The following LGALS8 variants were observed in gnomAD, a reference collection of about 807,000 sequenced individuals.
LGALS8 encodes galectin-8.
A neutral mutation model predicts 35.9 loss-of-function variants in LGALS8; 30 were observed. That is an observed-to-expected ratio of 0.83 (90% CI 0.62 to 1.13). The LOEUF (loss-of-function observed/expected upper bound fraction) is 1.13. LGALS8 is among the 50% of genes most tolerant of loss of function. The probability of loss-of-function intolerance (pLI) is 0.00; values close to 1 mark genes in which losing one functional copy is unlikely to be tolerated. For synonymous variants in LGALS8, 138 were observed against 136.1 expected (o/e 1.01, Z -0.10); for missense variants, 366 against 388.7 (o/e 0.94, Z 0.49).
intron 1 of LGALS8, chr1:236,524,724 C>T (rs1354481875): frequency 3.3e-6 from 1 of 307,066 alleles, no homozygotes; most frequent in Non-Finnish European, 6.5e-6. Context: ...GGGTCACTGG[C>T]TTGTTATTAT....
chr1:236,542,123 C>CACAG (rs947047095), intron 6 of LGALS8, among the ~76,000 whole-genome samples: 1 of 152,288 alleles, frequency 6.6e-6, no homozygotes, highest in African/African-American at 2.4e-5. Context: ...GTTCACACCT[C>CACAG]ACAGACAGAA....
Position 236,552,196 on chromosome 1 carries a change from CT to C in LGALS8, c.*4040del. 1.2e-6 allele frequency: 1 copy of C among 813,538 alleles called. No homozygotes were observed. Among genetic ancestry groups the C allele is most frequent in the Non-Finnish European group, 2.0e-6 (1 of 497,622 alleles). The allele number at this position is 813,538 out of a possible 1,614,324, so 50.4% of individuals were successfully genotyped here. A position where few individuals can be genotyped will look rare whatever the true frequency, so the allele number is the denominator to read the frequency against. On this transcript the variant is annotated 3_prime_UTR_variant, in exon 10 of 10. Coordinates refer to ENST00000366584, the MANE Select transcript of LGALS8 (RefSeq NM_201544.4). Reference sequence around the variant, plus strand: ...TGTACTGACTTGAGACAAGCTCTAACTTTTTAAACATTAGTTCACATGCGTT... The same window carrying C: ...TGTACTGACTTGAGACAAGCTCTAACTTTTAAACATTAGTTCACATGCGTT...
chr1:236,539,102 G>C lies in LGALS8; in HGVS notation c.345+13G>C. 1 of 1,608,972 alleles carries C rather than the reference G, an allele frequency of 6.2e-7. No homozygotes were observed. Among genetic ancestry groups the C allele is most frequent in the East Asian group, 2.2e-5 (1 of 44,876 alleles). ...GGACAAATTCCAGGTAGGTTTTGGA[G>C]AGGGACAGGTTGAGTCCTCATTAGT... On this transcript the variant is annotated intron_variant, in intron 4 of 9. Transcript: ENST00000366584.
At chr1:236,539,732 G>A (rs2103094393) in intron 4 of LGALS8, among the ~76,000 whole-genome samples, 1 of 152,320 alleles carries the variant, frequency 6.6e-6, no homozygotes, top group African/African-American at 2.4e-5. Flanking sequence ...TGATCTTCGG[G>A]ATACTGCTCC....
intron 2 of LGALS8, among the ~76,000 whole-genome samples, chr1:236,534,451 G>A (rs1661344334): frequency 6.6e-6 from 1 of 152,148 alleles, no homozygotes; most frequent in Non-Finnish European, 1.5e-5. Flanking sequence ...GATCAGATCT[G>A]TATTTTAATT....
intron 2 of LGALS8, among the ~76,000 whole-genome samples, chr1:236,529,949 G>T (rs527939774): frequency 6.5e-4 from 99 of 152,130 alleles, no homozygotes; most frequent in Non-Finnish European, 1.2e-3. Context: ...CACCGTGGCT[G>T]GCCACTTACT....
In LGALS8 at chr1:236,550,020, A is replaced by C. The variant is rs971959380; in HGVS notation, c.*1859A>C. 6.6e-6 allele frequency: 1 copy of C among 152,188 alleles called. No homozygotes were observed. The highest frequency in any genetic ancestry group is 1.5e-5 in the Non-Finnish European group (1 of 68,044). The allele number at this position is 152,188 out of a possible 1,614,324, so 9.4% of individuals were successfully genotyped here. A position where few individuals can be genotyped will look rare whatever the true frequency, so the allele number is the denominator to read the frequency against. ...CGAACATTCTACGGGATGTTCTTAG[A>C]TGCCTTTAAAAAGGGGGCAGATCTA... On this transcript the variant is annotated 3_prime_UTR_variant, in exon 10 of 10. Transcript: ENST00000366584.
intron 3 of LGALS8, among the ~76,000 whole-genome samples, chr1:236,538,219 G>A (rs1473993511): frequency 6.6e-6 from 1 of 152,096 alleles, no homozygotes; most frequent in East Asian, 1.9e-4. Flanking sequence ...TGGTTTTACT[G>A]AATACCTGCT....
intron 2 of LGALS8, chr1:236,536,177 C>G (rs1150174): frequency 2.0e-5 from 3 of 152,220 alleles, no homozygotes; most frequent in Non-Finnish European, 4.4e-5. Flanking sequence ...AACCACTTTT[C>G]TGTGGCCCGT....
intron 2 of LGALS8, chr1:236,536,749 T>TC (rs796247260): frequency 5.9e-5 from 9 of 152,426 alleles, no homozygotes; most frequent in African/African-American, 2.2e-4. Context: ...TGTCATTGTC[T>TC]CCGTCAGCAT....
upstream of LGALS8, among the ~76,000 whole-genome samples, chr1:236,521,859 G>A (rs1660560128): frequency 6.6e-6 from 1 of 151,466 alleles, no homozygotes. Context: ...GTTTTAGTAA[G>A]GGATTAACAT....
At chr1:236,535,437 TACTA>T (rs1661424196) in intron 2 of LGALS8, among the ~76,000 whole-genome samples, 1 of 152,202 alleles carries the variant, frequency 6.6e-6, no homozygotes, top group South Asian at 2.1e-4. Context: ...GTTGAGATCA[TACTA>T]TATATGGCTC....
chr1:236,545,795 G>C (rs2799406), intron 9 of LGALS8, among the ~76,000 whole-genome samples: 92,907 of 152,024 alleles, frequency 0.61, 29,295 homozygotes, highest in Non-Finnish European at 0.69. Context: ...ATATTGGTTT[G>C]GAATTCAGAA....
chr1:236,523,324 G>A (rs1045224345), upstream of LGALS8: 2 of 152,254 alleles, frequency 1.3e-5, no homozygotes, highest in African/African-American at 4.8e-5. Flanking sequence ...CTAACGGATG[G>A]GGAGCTTGGG....
intron 9 of LGALS8, 123 bp from the exon 10 acceptor site, chr1:236,547,889 C>G: frequency 1.2e-6 from 1 of 824,630 alleles, no homozygotes; most frequent in South Asian, 1.7e-5. Flanking sequence ...AGGAAGTCAG[C>G]AGCAGCAGGC....
intron 5 of LGALS8, 72 bp from the exon 6 acceptor site, chr1:236,541,582 A>G (rs1169660001): frequency 6.1e-6 from 4 of 655,896 alleles, no homozygotes; most frequent in Non-Finnish European, 4.9e-6. Context: ...ATTTTTTTAT[A>G]TGTCAATATA....
chr1:236,525,609 G>C (rs148204546), intron 1 of LGALS8: 4,611 of 154,370 alleles, frequency 0.03, 81 homozygotes, highest in Middle Eastern at 0.044. Flanking sequence ...CACCATATTG[G>C]TCAGGCTGGT....
rs199551861 is a variant in LGALS8 at position 236,544,872 on chromosome 1, G to A, written c.761G>A (p.Arg254Lys). The change falls in exon 9 of 10, where the codon AGA (arginine) becomes AAA (lysine). Residue 254 changes from arginine (R) to lysine (K), a missense_variant. Physicochemically the swap from Arg to Lys is conservative, Grantham distance 26 (BLOSUM62 2). Coordinates refer to ENST00000366584, the MANE Select transcript of LGALS8 (RefSeq NM_201544.4). ...FLQESWGEEE[R>K]NITSFPFSPG... ...CAGGAGTCCTGGGGAGAAGAAGAGA[G>A]AAATATTACCTCTTTCCCATTTAGT... 6.2e-7 allele frequency: 1 copy of A among 1,613,528 alleles called. No homozygotes were observed. Among genetic ancestry groups the A allele is most frequent in the African/African-American group, 1.3e-5 (1 of 75,022 alleles).
chr1:236,552,045 A>G lies in LGALS8; in HGVS notation c.*3884A>G, dbSNP rs1469641328. The G allele has an allele frequency of 4.3e-6, 7 of 1,613,666 alleles. No individual in the cohort carries two copies. The highest frequency in any genetic ancestry group is 5.9e-6 in the Non-Finnish European group (7 of 1,179,808). On this transcript the variant is annotated 3_prime_UTR_variant, in exon 10 of 10. Transcript: ENST00000366584. ...AAGGAATGGATTCTGGTAGCAAGAC[A>G]ATATAATTCTCCTTTAGTTTTTCAG...
Sources: allele counts gnomAD v4.1 joint callset (sites outside exome capture counted in the v4.1 genomes callset), GRCh38; gene constraint gnomAD v4.1.1; transcripts MANE v1.5; gene names NCBI Gene and HGNC (gene_info 2026-07-23, HGNC 2026-07-21).